SYT9: variants seen among roughly 807,000 people sequenced by gnomAD.
SYT9 encodes synaptotagmin-9.
A neutral mutation model predicts 48.4 loss-of-function variants in SYT9; 22 were observed. The observed-to-expected ratio is 0.45, with a 90% CI of 0.32 to 0.65. The LOEUF (loss-of-function observed/expected upper bound fraction) is 0.65, where lower values mean the gene tolerates loss of function less well. Among genes scored for constraint, SYT9 ranks in the 30% least tolerant of loss-of-function variants. The pLI is 0.03. For missense variants in SYT9, 577 were observed against 622.0 expected, an observed-to-expected ratio of 0.93 and a Z score of 0.77; for synonymous variants, 265 against 245.0, an observed-to-expected ratio of 1.08 and a Z score of -0.76.
chr11:7,391,122 C>T (rs1850757537), intron 3 of SYT9, among the ~76,000 whole-genome samples: 1 of 152,162 alleles, frequency 6.6e-6, no homozygotes, highest in Non-Finnish European at 1.5e-5. Flanking sequence ...ATAATGACCT[C>T]CAACGGCATT....
intron 3 of SYT9, among the ~76,000 whole-genome samples, chr11:7,318,762 C>T (rs1849285620): frequency 6.6e-6 from 1 of 152,082 alleles, no homozygotes; most frequent in African/African-American, 2.4e-5. Flanking sequence ...CTATTTTGGT[C>T]AATTACATTG....
chr11:7,452,128 C>T (rs1848065422), intron 6 of SYT9, among the ~76,000 whole-genome samples: 1 of 151,374 alleles, frequency 6.6e-6, no homozygotes, highest in Non-Finnish European at 1.5e-5. Context: ...AACACACACA[C>T]ACACACACAC....
chr11:7,297,490 T>C (rs1173205428), intron 1 of SYT9, among the ~76,000 whole-genome samples: 1 of 152,198 alleles, frequency 6.6e-6, no homozygotes, highest in African/African-American at 2.4e-5. Context: ...TATTATTACA[T>C]TTTTAGTTCA....
chr11:7,321,510 G>A (rs2133964654), intron 3 of SYT9, among the ~76,000 whole-genome samples: 1 of 152,322 alleles, frequency 6.6e-6, no homozygotes, highest in Middle Eastern at 3.4e-3. Context: ...TAAGTCATAT[G>A]TGATTATTAT....
intron 3 of SYT9, among the ~76,000 whole-genome samples, chr11:7,387,649 T>C (rs747012407): frequency 1.3e-5 from 2 of 151,958 alleles, no homozygotes; most frequent in Non-Finnish European, 2.9e-5. Flanking sequence ...ATTAAAAAGC[T>C]TTCAACATTT....
At chr11:7,265,736 C>G (rs1801603230) in intron 1 of SYT9, among the ~76,000 whole-genome samples, 1 of 150,722 alleles carries the variant, frequency 6.6e-6, no homozygotes, top group African/African-American at 2.4e-5. Context: ...ACTATTGGCA[C>G]AATTACTAAT....
chr11:7,397,922 G>A (rs1342882634), intron 3 of SYT9, among the ~76,000 whole-genome samples: 1 of 152,072 alleles, frequency 6.6e-6, no homozygotes, highest in Non-Finnish European at 1.5e-5. Flanking sequence ...GCATTGCATT[G>A]GAAGTTAAGA....
chr11:7,324,973 A>G (rs1026624871), intron 3 of SYT9, among the ~76,000 whole-genome samples: 11 of 152,072 alleles, frequency 7.2e-5, no homozygotes, highest in Non-Finnish European at 1.0e-4. Context: ...AGTTCTATCA[A>G]AATTTCTGCT....
chr11:7,320,920 G>A (rs1220061572), intron 3 of SYT9, among the ~76,000 whole-genome samples: 1 of 152,170 alleles, frequency 6.6e-6, no homozygotes, highest in Non-Finnish European at 1.5e-5. Context: ...GAGACTATGA[G>A]TCCAGTGTTC....
At chr11:7,308,096 T>C (rs1232623235) in intron 2 of SYT9, among the ~76,000 whole-genome samples, 1 of 152,226 alleles carries the variant, frequency 6.6e-6, no homozygotes, top group East Asian at 1.9e-4. Context: ...CCTTCTTCTG[T>C]GTCTGCCTGT....
Position 7,303,136 on chromosome 11 carries a change from G to A in SYT9, c.243G>A (p.Pro81=), listed in dbSNP as rs752667061. The A allele has an allele frequency of 1.8e-5, 29 of 1,614,032 alleles. No individual in the cohort carries two copies. Among genetic ancestry groups the A allele is most frequent in the Admixed American group, 1.0e-4 (6 of 60,004 alleles). ...TATCTTGGAAACTCTGCTGGGTTCCGTGGCGAGAACGAGGCCTGCCCTCTG... is the reference window on the plus strand; with the variant it reads ...TATCTTGGAAACTCTGCTGGGTTCCATGGCGAGAACGAGGCCTGCCCTCTG... ...LFVSWKLCWV[P]WRERGLPSGS... The change falls in exon 2 of 7, where the codon CCG becomes CCA. Residue 81 remains proline (P), a synonymous_variant. Transcript: ENST00000318881.
intron 3 of SYT9, among the ~76,000 whole-genome samples, chr11:7,332,363 C>A (rs1222262369): frequency 2.0e-5 from 3 of 152,154 alleles, no homozygotes; most frequent in African/African-American, 7.2e-5. Context: ...GAGAATTTTC[C>A]CAAGAAATAT....
At chr11:7,406,678 T>TAC (rs1240776160) in intron 3 of SYT9, among the ~76,000 whole-genome samples, 1 of 151,956 alleles carries the variant, frequency 6.6e-6, no homozygotes, top group African/African-American at 2.4e-5. Context: ...ATCCCTCTGA[T>TAC]ACACGGATTT....
intron 3 of SYT9, among the ~76,000 whole-genome samples, chr11:7,356,879 G>C (rs1310194237): frequency 6.6e-6 from 1 of 152,134 alleles, no homozygotes; most frequent in Non-Finnish European, 1.5e-5. Flanking sequence ...CTATGTTCCA[G>C]GTTCCCTACC....
intron 3 of SYT9, among the ~76,000 whole-genome samples, chr11:7,375,967 C>A (rs1850445039): frequency 6.6e-6 from 1 of 152,092 alleles, no homozygotes; most frequent in South Asian, 2.1e-4. Context: ...GAGGTCTTCC[C>A]TGACCATCCT....
intron 3 of SYT9, among the ~76,000 whole-genome samples, chr11:7,381,282 G>C (rs566525801): frequency 6.6e-6 from 1 of 152,234 alleles, no homozygotes; most frequent in South Asian, 2.1e-4. Context: ...ATATTGGTCT[G>C]GTATCATCTG....
intron 3 of SYT9, among the ~76,000 whole-genome samples, chr11:7,316,655 C>T (rs560210039): frequency 1.4e-3 from 214 of 152,114 alleles, no homozygotes; most frequent in African/African-American, 5.0e-3. Flanking sequence ...AGAGTTTATC[C>T]CTGATAGAGG....
chr11:7,307,585 A>T (rs775151464), intron 2 of SYT9, among the ~76,000 whole-genome samples: 11 of 152,234 alleles, frequency 7.2e-5, no homozygotes, highest in Non-Finnish European at 1.2e-4. Flanking sequence ...AAGAGAGAAA[A>T]AATATATAAC....
chr11:7,312,330 C>T lies in SYT9; in HGVS notation c.498-1065C>T, dbSNP rs1435149543. 5.9e-5 allele frequency among the ~76,000 whole-genome samples: 9 copies of T among 152,276 alleles called. No homozygotes were observed. The South Asian group carries it at 6.2e-4, about 11-fold the overall frequency. On this transcript the variant is annotated intron_variant, in intron 2 of 6. Coordinates refer to ENST00000318881, the MANE Select transcript of SYT9 (RefSeq NM_175733.4). ...GCAAATTCAAATGTTTACTCTGCCTCTCCAACTGTTTACCAATCCCTAAGA... is the reference window on the plus strand; with the variant it reads ...GCAAATTCAAATGTTTACTCTGCCTTTCCAACTGTTTACCAATCCCTAAGA...
Sources: gnomAD v4.1 joint callset for allele counts (sites outside exome capture counted in the v4.1 genomes callset) on GRCh38, gnomAD v4.1.1 for gene constraint, MANE v1.5 for transcripts, NCBI Gene and HGNC (gene_info 2026-07-23, HGNC 2026-07-21) for gene names.